Variants in KLHL30 observed in about 807,000 individuals in gnomAD.
The protein encoded by KLHL30 is kelch like family member 30.
In KLHL30, 55 loss-of-function variants were observed where a neutral mutation model predicts 55.0. The ratio of observed to expected loss-of-function variants is 1.00; its 90% CI spans 0.80 to 1.25. The LOEUF (loss-of-function observed/expected upper bound fraction) is 1.25. Ranked by LOEUF, KLHL30 falls within the 50% of genes most tolerant of loss-of-function variation. The pLI, the probability that KLHL30 is intolerant of heterozygous loss-of-function variation, is 0.00. For missense variants in KLHL30, 786 were observed against 811.6 expected, an observed-to-expected ratio of 0.97 and a Z score of 0.38; for synonymous variants, 356 against 372.6, an observed-to-expected ratio of 0.96 and a Z score of 0.51.
In KLHL30 at chr2:238,150,860, T is replaced by G. The variant is rs563581501; in HGVS notation, c.1532T>G (p.Leu511Arg). ...SLHENGALVP[L>R]GDALYVTGGR... Reference sequence around the variant, plus strand: ...CATGAGAATGGCGCGCTGGTGCCACTGGGTGATGCGCTGTACGTGACGGGC... The same window carrying G: ...CATGAGAATGGCGCGCTGGTGCCACGGGGTGATGCGCTGTACGTGACGGGC... Residue 511 changes from leucine (L) to arginine (R), a missense_variant, in exon 8 of 8, where the codon CTG becomes CGG. Transcript: ENST00000409223. 8.2e-6 allele frequency: 13 copies of G among 1,594,778 alleles called. No homozygotes were observed. Among genetic ancestry groups the G allele is most frequent in the Non-Finnish European group, 1.0e-5 (12 of 1,172,228 alleles).
rs1692534043 is a variant in KLHL30 at position 238,141,269 on chromosome 2, T to C, written c.515T>C (p.Leu172Pro). 4.4e-6 allele frequency: 7 copies of C among 1,603,732 alleles called. No individual in the cohort carries two copies. The highest frequency in any genetic ancestry group is 5.9e-6 in the Non-Finnish European group (7 of 1,178,784). The change falls in exon 2 of 8, where the codon CTG (leucine) becomes CCG (proline). Residue 172 changes from leucine (L) to proline (P), a missense_variant. Physicochemically the swap from Leu to Pro is moderately conservative, Grantham distance 98 (BLOSUM62 -3). Transcript: ENST00000409223. ...FEAVAREDEF[L>P]QLPRERLVTC... is the part of the protein sequence containing the mutation. ...GCTGTGGCACGTGAGGACGAGTTCC[T>C]GCAGCTTCCCCGAGAGCGGCTGGTC...
At chr2:238,141,791 C>G (rs1024325890) in intron 2 of KLHL30, among the ~76,000 whole-genome samples, 1 of 152,224 alleles carries the variant, frequency 6.6e-6, no homozygotes, top group Non-Finnish European at 1.5e-5. Context: ...CTGAAGGAGC[C>G]TGCAGCTCAG....
At chr2:238,143,582 G>A (rs1182285739) in intron 3 of KLHL30, among the ~76,000 whole-genome samples, 2 of 152,246 alleles carry the variant, frequency 1.3e-5, no homozygotes, top group Non-Finnish European at 2.9e-5. Context: ...CCCTGCGCTG[G>A]CCCCAAGAGG....
At chr2:238,149,563 G>A (rs141481841) in intron 7 of KLHL30, among the ~76,000 whole-genome samples, 1 of 152,322 alleles carries the variant, frequency 6.6e-6, no homozygotes, top group African/African-American at 2.4e-5. Flanking sequence ...GGCCACTGGT[G>A]CTCTGTCCCT....
chr2:238,145,804 C>T lies in KLHL30; in HGVS notation c.1122C>T (p.Ala374=). 6.2e-7 allele frequency: 1 copy of T among 1,607,712 alleles called. No homozygotes were observed. Among genetic ancestry groups the T allele is most frequent in the Non-Finnish European group, 8.5e-7 (1 of 1,177,864 alleles). The change falls in exon 5 of 8, where the codon GCC becomes GCT. Residue 374 remains alanine (A), a synonymous_variant. Coordinates refer to ENST00000409223, the MANE Select transcript of KLHL30 (RefSeq NM_198582.4). The part of the protein sequence containing the change: ...LKPRTNHASA[A]LNGEIYVIGG... Reference sequence around the variant, plus strand: ...CCCGCACCAACCACGCCAGCGCGGCCCTCAATGGGGAGATCTACGTTATCG... The same window carrying T: ...CCCGCACCAACCACGCCAGCGCGGCTCTCAATGGGGAGATCTACGTTATCG...
chr2:238,140,868 G>T lies in KLHL30; in HGVS notation c.114G>T (p.Leu38=). The change falls in exon 2 of 8, where the codon CTG becomes CTT. Residue 38 remains leucine, a synonymous_variant. Coordinates refer to ENST00000409223, the MANE Select transcript of KLHL30 (RefSeq NM_198582.4). ...CCAAGCTGGCCGACGTCACACTGCT[G>T]GTGGGCGGCCGGGAGCTGCCATGCC... ...SQPKLADVTL[L]VGGRELPCHR... is the part of the protein sequence containing the mutation. 1 of 1,611,134 alleles carries T rather than the reference G, an allele frequency of 6.2e-7. No individual in the cohort carries two copies. Among genetic ancestry groups the T allele is most frequent in the Non-Finnish European group, 8.5e-7 (1 of 1,178,674 alleles).
chr2:238,142,140 C>G (rs965202758), intron 2 of KLHL30, among the ~76,000 whole-genome samples: 1 of 152,218 alleles, frequency 6.6e-6, no homozygotes, highest in Admixed American at 6.5e-5. Context: ...CGGTCAGCTG[C>G]CGGGCACCCT....
chr2:238,146,571 T>C (rs1260847482), intron 5 of KLHL30, among the ~76,000 whole-genome samples: 2 of 150,784 alleles, frequency 1.3e-5, no homozygotes, highest in Non-Finnish European at 3.0e-5. Flanking sequence ...CATGCCCAGA[T>C]AATTTTTGTA....
chr2:238,144,514 C>T (rs563660402), intron 3 of KLHL30, among the ~76,000 whole-genome samples: 1 of 151,956 alleles, frequency 6.6e-6, no homozygotes, highest in South Asian at 2.1e-4. Flanking sequence ...CCACTAGTGA[C>T]ACCCACAGAT....
chr2:238,151,295 C>A lies in KLHL30; in HGVS notation c.*230C>A. 1.6e-6 allele frequency: 1 copy of A among 616,242 alleles called. No individual in the cohort carries two copies. Among genetic ancestry groups the A allele is most frequent in the Non-Finnish European group, 2.8e-6 (1 of 360,344 alleles). 38.2% of individuals were successfully genotyped at this position (616,242 alleles called of 1,614,324 possible). On this transcript the variant is annotated 3_prime_UTR_variant, in exon 8 of 8. Coordinates refer to ENST00000409223, the MANE Select transcript of KLHL30 (RefSeq NM_198582.4). Reference sequence around the variant, plus strand: ...CAGTGACAAGGGCCTGAGTGCCAGACGCTGGCATAACAGGGACAGGAAGCT... The same window carrying A: ...CAGTGACAAGGGCCTGAGTGCCAGAAGCTGGCATAACAGGGACAGGAAGCT...
In KLHL30 at chr2:238,141,389, C is replaced by A; in HGVS notation, c.635C>A (p.Ala212Asp). The change falls in exon 2 of 8, where the codon GCC becomes GAC. Residue 212 changes from alanine to aspartate, a missense_variant. Coordinates refer to ENST00000409223, the MANE Select transcript of KLHL30 (RefSeq NM_198582.4). ...RWVRHDPQAR[A>D]AHLPELLSLV... ...GTGCGCCATGACCCGCAGGCCCGGGCCGCCCACCTGCCCGAGCTGCTCAGC... is the reference window on the plus strand; with the variant it reads ...GTGCGCCATGACCCGCAGGCCCGGGACGCCCACCTGCCCGAGCTGCTCAGC... 1 of 1,591,856 alleles carries A rather than the reference C, an allele frequency of 6.3e-7. No homozygotes were observed. The highest frequency in any genetic ancestry group is 8.5e-7 in the Non-Finnish European group (1 of 1,174,222).
intron 3 of KLHL30, among the ~76,000 whole-genome samples, chr2:238,144,388 A>C (rs547272078): frequency 1.4e-5 from 1 of 70,310 alleles, no homozygotes; most frequent in African/African-American, 5.4e-5. Context: ...GGAAGGAAGG[A>C]AGGAAGGAAG....
Position 238,144,386 on chromosome 2 carries a change from G to T in KLHL30, c.908-516G>T, listed in dbSNP as rs1049471430. Among the ~76,000 whole-genome samples, 156 of 64,090 alleles carry T rather than the reference G, an allele frequency of 2.4e-3. 2 individuals are homozygous for T. The highest frequency in any genetic ancestry group is 0.021 in the Admixed American group (134 of 6,414). The allele number at this position is 64,090 out of a possible 152,430, so 42.0% of individuals were successfully genotyped here. A position where few individuals can be genotyped will look rare whatever the true frequency, so the allele number is the denominator to read the frequency against. On this transcript the variant is annotated intron_variant, in intron 3 of 7. Coordinates refer to ENST00000409223, the MANE Select transcript of KLHL30 (RefSeq NM_198582.4). The stretch of plus-strand genomic sequence containing the variant: ...AGGGTGCTCGGAAGGAAGGAAGGAA[G>T]GAAGGAAGGAAGGAAGGAAGGAAGG...
chr2:238,141,344 T>G lies in KLHL30; in HGVS notation c.590T>G (p.Leu197Arg), dbSNP rs1559274686. 1 of 1,596,994 alleles carries G rather than the reference T, an allele frequency of 6.3e-7. No individual in the cohort carries two copies. Among genetic ancestry groups the G allele is most frequent in the Non-Finnish European group, 8.5e-7 (1 of 1,175,304 alleles). Reference sequence around the variant, plus strand: ...CAGGTACAGCCGGAGCAAAGCCGACTCGAGGCCCTGATGCGCTGGGTGCGC... The same window carrying G: ...CAGGTACAGCCGGAGCAAAGCCGACGCGAGGCCCTGATGCGCTGGGTGCGC... ...LLQVQPEQSR[L>R]EALMRWVRHD... Residue 197 changes from leucine to arginine, a missense_variant, in exon 2 of 8, where the codon CTC becomes CGC. Leu to Arg is a moderately radical substitution (Grantham distance 102). Transcript: ENST00000409223.
intron 1 of KLHL30, among the ~76,000 whole-genome samples, chr2:238,140,419 T>C (rs1446980758): frequency 6.6e-6 from 1 of 152,198 alleles, no homozygotes; most frequent in African/African-American, 2.4e-5. Context: ...TTGCCAACCC[T>C]GTTCTGCCCT....
chr2:238,143,892 T>C (rs982839644), intron 3 of KLHL30, among the ~76,000 whole-genome samples: 4 of 152,282 alleles, frequency 2.6e-5, no homozygotes, highest in African/African-American at 9.6e-5. Context: ...CAGGCTCTGC[T>C]CCCAGGGAGG....
intron 1 of KLHL30, among the ~76,000 whole-genome samples, chr2:238,140,166 C>G (rs1414749798): frequency 6.6e-6 from 1 of 152,228 alleles, no homozygotes; most frequent in Admixed American, 6.5e-5. Context: ...TGATTGCACC[C>G]ACCCTCCAGG....
Position 238,147,192 on chromosome 2 carries a change from C to G in KLHL30, c.1151-642C>G, listed in dbSNP as rs1175942350. ...AAAGAAAAACAAAACACATGGGGCCCAAAAGCTCTGTAGGTGATGAACTGG... is the reference window on the plus strand; with the variant it reads ...AAAGAAAAACAAAACACATGGGGCCGAAAAGCTCTGTAGGTGATGAACTGG... On this transcript the variant is annotated intron_variant, in intron 5 of 7. Transcript: ENST00000409223. This position sits in a 1 kb window ranked among gnomAD's most constrained non-coding sequence, Gnocchi z 5.8. Among the ~76,000 whole-genome samples, 1 of 151,720 alleles carries G rather than the reference C, an allele frequency of 6.6e-6. No homozygotes were observed. The highest frequency in any genetic ancestry group is 1.5e-5 in the Non-Finnish European group (1 of 67,894).
At position 238,141,422 on chromosome 2, in the gene KLHL30, A is replaced by T. The variant is rs1692539312; in HGVS notation, c.668A>T (p.His223Leu). Reference protein sequence around the residue: ...AHLPELLSLVHLDAVPRPCVQ... With the variant: ...AHLPELLSLVLLDAVPRPCVQ... Reference sequence around the variant, plus strand: ...CTGCCCGAGCTGCTCAGCCTAGTGCACCTGGACGCCGTGCCCAGGCCCTGC... The same window carrying T: ...CTGCCCGAGCTGCTCAGCCTAGTGCTCCTGGACGCCGTGCCCAGGCCCTGC... The change falls in exon 2 of 8, where the codon CAC becomes CTC. Residue 223 changes from histidine to leucine, a missense_variant. Transcript: ENST00000409223. 6.4e-7 allele frequency: 1 copy of T among 1,568,442 alleles called. No homozygotes were observed. The highest frequency in any genetic ancestry group is 8.6e-7 in the Non-Finnish European group (1 of 1,163,074).
Sources: allele counts gnomAD v4.1 joint callset (sites outside exome capture counted in the v4.1 genomes callset), GRCh38; gene constraint gnomAD v4.1.1; non-coding constraint Gnocchi (gnomAD v3.1); transcripts MANE v1.5; gene names NCBI Gene and HGNC (gene_info 2026-07-23, HGNC 2026-07-21).